The following NCAPG variants were observed in gnomAD, a reference collection of about 807,000 sequenced individuals.
The protein encoded by NCAPG is condensin complex subunit 3.
Under a neutral mutation model 113.1 loss-of-function variants are expected in NCAPG, and 69 were observed. The observed-to-expected ratio is 0.61, with a 90% CI of 0.50 to 0.75. The LOEUF (loss-of-function observed/expected upper bound fraction) is 0.75, where lower values mean the gene tolerates loss of function less well. Among genes scored for constraint, NCAPG ranks in the 30% least tolerant of loss-of-function variants. The pLI is 0.00. For missense variants in NCAPG, 1,058 were observed against 1,177.0 expected, an observed-to-expected ratio of 0.90 and a Z score of 1.48; for synonymous variants, 370 against 415.8, an observed-to-expected ratio of 0.89 and a Z score of 1.34.
Position 17,812,949 on chromosome 4 carries a change from T to G in NCAPG, c.348T>G (p.Phe116Leu). 6.2e-7 allele frequency: 1 copy of G among 1,614,060 alleles called. No individual in the cohort carries two copies. Among genetic ancestry groups the G allele is most frequent in the Non-Finnish European group, 8.5e-7 (1 of 1,179,930 alleles). ...SHEANSNAVR[F>L]RVCLLINKLL... ...AAGCAAACAGCAATGCAGTGAGATT[T>G]AGAGTGTGCCTGCTCATAAACAAGC... is the stretch of plus-strand genomic sequence containing the variant. Residue 116 changes from phenylalanine (F) to leucine (L), a missense_variant, in exon 3 of 21, where the codon TTT (phenylalanine) becomes TTG (leucine). Transcript: ENST00000251496.
At position 17,838,779 on chromosome 4, in the gene NCAPG, A is replaced by G. The variant is rs544449741; in HGVS notation, c.2467-897A>G. On this transcript the variant is annotated intron_variant, in intron 16 of 20. Transcript: ENST00000251496. ...GAATTTGGAGTTGGCCTTATGTGCA[A>G]TGGATAATTATGCAGGGCTTATGAT... 4.6e-5 allele frequency among the ~76,000 whole-genome samples: 7 copies of G among 152,268 alleles called. No homozygotes were observed. The East Asian group carries it at 1.2e-3, about 25-fold the overall frequency.
rs191119845 is a variant in NCAPG, at chr4:17,842,575, C to A, written c.2924+196C>A. On this transcript the variant is annotated intron_variant, in intron 20 of 20. Transcript: ENST00000251496. ...ACTTCTTACGGCGTGTTTGCTTTTG[C>A]CTATTAGCTGGCATGGTCTTTAGTA... The A allele has an allele frequency of 4.5e-5, 24 of 534,452 alleles. No individual in the cohort carries two copies. The East Asian group carries it at 7.3e-4, about 16-fold the overall frequency. 33.1% of individuals were successfully genotyped at this position (534,452 alleles called of 1,614,324 possible).
In NCAPG at chr4:17,834,448, A is replaced by G; in HGVS notation, c.2034A>G (p.Gln678=). Residue 678 remains glutamine (Q), a synonymous_variant, in exon 14 of 21, where the codon CAA becomes CAG. Coordinates refer to ENST00000251496, the MANE Select transcript of NCAPG (RefSeq NM_022346.5). ...CAGAAATAAACAGTGATGATGAGCA[A>G]GAATCAAAAGAAGTTGAAGAGACTG... ...EGTEINSDDE[Q]ESKEVEETAT... is the part of the protein sequence containing the mutation. The G allele has an allele frequency of 6.2e-7, 1 of 1,611,342 alleles. No individual in the cohort carries two copies. The highest frequency in any genetic ancestry group is 1.7e-5 in the Admixed American group (1 of 59,708).
At position 17,811,372 on chromosome 4, in the gene NCAPG, C is replaced by A. The variant is rs1321814819; in HGVS notation, c.111+184C>A. Among the ~76,000 whole-genome samples, 1 of 152,192 alleles carries A rather than the reference C, an allele frequency of 6.6e-6. No individual in the cohort carries two copies. The highest frequency in any genetic ancestry group is 2.4e-5 in the African/African-American group (1 of 41,452). ...TTACCCGAGGTCGCCTGGGCCCAGGCCAGAAAGCCTCCGAAGCCTGGGCGT... is the reference window on the plus strand; with the variant it reads ...TTACCCGAGGTCGCCTGGGCCCAGGACAGAAAGCCTCCGAAGCCTGGGCGT... On this transcript the variant is annotated intron_variant, in intron 1 of 20. Coordinates refer to ENST00000251496, the MANE Select transcript of NCAPG (RefSeq NM_022346.5). The surrounding 1 kb of genome is among the most constrained non-coding windows in gnomAD (Gnocchi z 5.3).
chr4:17,827,898 C>T (rs375705857), intron 11 of NCAPG, among the ~76,000 whole-genome samples: 18 of 151,622 alleles, frequency 1.2e-4, no homozygotes, highest in Middle Eastern at 3.4e-3. Flanking sequence ...CTCCACCTCC[C>T]GTGTTCAAGC....
chr4:17,817,924 T>C lies in NCAPG; in HGVS notation c.969-15T>C. ...AAGATCATGCTTTCTCTCACACTCT[T>C]TCTTTTAAATGAAGGAAATTGATTC... On this transcript the variant is annotated splice_polypyrimidine_tract_variant and intron_variant, in intron 6 of 20. Coordinates refer to ENST00000251496, the MANE Select transcript of NCAPG (RefSeq NM_022346.5). 2 of 1,584,938 alleles carry C rather than the reference T, an allele frequency of 1.3e-6. No homozygotes were observed. Among genetic ancestry groups the C allele is most frequent in the South Asian group, 1.2e-5 (1 of 85,784 alleles).
chr4:17,839,002 TG>T (rs1306034223), intron 16 of NCAPG, among the ~76,000 whole-genome samples: 6 of 152,142 alleles, frequency 3.9e-5, no homozygotes, highest in Non-Finnish European at 8.8e-5. Context: ...TAAAGAATTA[TG>T]GGTACAAGAA....
At chr4:17,820,227 G>A (rs1721397662) in intron 7 of NCAPG, among the ~76,000 whole-genome samples, 2 of 152,258 alleles carry the variant, frequency 1.3e-5, no homozygotes, top group South Asian at 4.1e-4. Flanking sequence ...AAAGGTCAGG[G>A]ATTAACATTT....
rs768204906 is a variant in NCAPG, at chr4:17,818,095, T to A, written c.1118+7T>A. 1.9e-6 allele frequency: 3 copies of A among 1,592,034 alleles called. No individual in the cohort carries two copies. In the East Asian group the frequency reaches 6.8e-5, roughly 36 times the overall value. ...ATGCAGACTATTTATTGAGGTAAATTTTTTTTCTTTTAGTTTGGAGAGTGA... is the reference window on the plus strand; with the variant it reads ...ATGCAGACTATTTATTGAGGTAAATATTTTTTCTTTTAGTTTGGAGAGTGA... On this transcript the variant is annotated splice_region_variant and intron_variant, in intron 7 of 20. Transcript: ENST00000251496.
At chr4:17,827,227 T>C (rs1016669226) in intron 11 of NCAPG, among the ~76,000 whole-genome samples, 12 of 152,156 alleles carry the variant, frequency 7.9e-5, no homozygotes, top group Non-Finnish European at 1.5e-5. Context: ...GGGGAAAAAT[T>C]AAGGGCTAGG....
intron 7 of NCAPG, among the ~76,000 whole-genome samples, chr4:17,819,918 A>G (rs752282193): frequency 1.4e-4 from 21 of 152,200 alleles, no homozygotes; most frequent in Non-Finnish European, 2.9e-4. Context: ...CCATGTTAAC[A>G]TCATGAAGAA....
At chr4:17,816,120 G>A (rs897884507) in intron 5 of NCAPG, among the ~76,000 whole-genome samples, 2 of 151,108 alleles carry the variant, frequency 1.3e-5, no homozygotes, top group Non-Finnish European at 2.9e-5. Flanking sequence ...ACCAAGGATC[G>A]ATTTCATGGA....
rs1256951770 is a variant in NCAPG at position 17,811,261 on chromosome 4, C to G, written c.111+73C>G. 1 of 934,188 alleles carries G rather than the reference C, an allele frequency of 1.1e-6. No homozygotes were observed. Among genetic ancestry groups the G allele is most frequent in the Non-Finnish European group, 1.5e-6 (1 of 653,352 alleles). 57.9% of individuals were successfully genotyped at this position (934,188 alleles called of 1,614,324 possible). A position where few individuals can be genotyped will look rare whatever the true frequency, so the allele number is the denominator to read the frequency against. On this transcript the variant is annotated intron_variant, in intron 1 of 20. Transcript: ENST00000251496. The surrounding 1 kb of genome is among the most constrained non-coding windows in gnomAD (Gnocchi z 5.3). ...CCCTCCCTCAGGGGCCCTCCGTGGCCCTCGGGCTCGGCGCACCGTGACTCC... is the reference window on the plus strand; with the variant it reads ...CCCTCCCTCAGGGGCCCTCCGTGGCGCTCGGGCTCGGCGCACCGTGACTCC...
At chr4:17,842,460 C>T (rs975322716) in intron 20 of NCAPG, 81 bp downstream of exon 20, 34 of 1,093,208 alleles carry the variant, frequency 3.1e-5, no homozygotes, top group Middle Eastern at 2.0e-4. Context: ...AATTTTCTTG[C>T]GAATGAGAGA....
chr4:17,832,955 A>G (rs1206418892), intron 13 of NCAPG, among the ~76,000 whole-genome samples: 1 of 152,202 alleles, frequency 6.6e-6, no homozygotes, highest in Admixed American at 6.5e-5. Flanking sequence ...ACTGCTCTTG[A>G]AATTTCTTTA....
chr4:17,813,189 G>A, intron 3 of NCAPG, 44 bp downstream of exon 3: 13 of 1,507,574 alleles, frequency 8.6e-6, no homozygotes, highest in Non-Finnish European at 1.2e-5. Flanking sequence ...TGTTGATTTT[G>A]TTAAATTCTC....
chr4:17,835,152 T>G (rs1400376787), intron 14 of NCAPG, among the ~76,000 whole-genome samples: 1 of 152,218 alleles, frequency 6.6e-6, no homozygotes, highest in African/African-American at 2.4e-5. Context: ...ACCAACTGAT[T>G]AAAAATTTTT....
intron 17 of NCAPG, 91 bp downstream of exon 17, chr4:17,839,928 G>A (rs998425684): frequency 6.9e-7 from 1 of 1,442,714 alleles, no homozygotes; most frequent in African/African-American, 1.5e-5. Context: ...ACATATGTTA[G>A]CATATTGTGA....
intron 6 of NCAPG, 88 bp from the exon 7 acceptor site, chr4:17,817,851 C>G: frequency 7.5e-7 from 1 of 1,336,314 alleles, no homozygotes; most frequent in Non-Finnish European, 1.0e-6. Context: ...GGTTTTAAAG[C>G]AAATCTTATT....
Sources: gnomAD v4.1 joint callset for allele counts (sites outside exome capture counted in the v4.1 genomes callset) on GRCh38, gnomAD v4.1.1 for gene constraint, Gnocchi (gnomAD v3.1) non-coding constraint, MANE v1.5 for transcripts, NCBI Gene and HGNC (gene_info 2026-07-23, HGNC 2026-07-21) for gene names.